Variants in DNMT3B observed in about 807,000 individuals in gnomAD.
DNMT3B encodes DNA methyltransferase 3 beta, also known as DNA (cytosine-5)-methyltransferase 3B.
DNMT3B carries 37 observed loss-of-function variants against 120.2 expected under a neutral mutation model. That is an observed-to-expected ratio of 0.31 (90% CI 0.24 to 0.40). The LOEUF is 0.40. Ranked by LOEUF, DNMT3B falls within the 10% of genes least tolerant of loss-of-function variation. DNMT3B has a pLI of 1.00. For missense variants in DNMT3B, 878 were observed against 1,137.3 expected, an observed-to-expected ratio of 0.77 and a Z score of 3.28; for synonymous variants, 412 against 442.8, an observed-to-expected ratio of 0.93 and a Z score of 0.87.
In DNMT3B at chr20:32,780,827, T is replaced by C. The variant is rs144174741; in HGVS notation, c.142+362T>C. Reference sequence around the variant, plus strand: ...GGGGTTGGGAGGGGGAGGTCTGGAGTGTGCTTCCTTTCCACCCTGCCCTGA... The same window carrying C: ...GGGGTTGGGAGGGGGAGGTCTGGAGCGTGCTTCCTTTCCACCCTGCCCTGA... On this transcript the variant is annotated intron_variant, in intron 2 of 22. Transcript: ENST00000328111. Among the ~76,000 whole-genome samples the C allele has an allele frequency of 2.1e-3, 316 of 151,990 alleles. 2 individuals are homozygous for C. Among genetic ancestry groups the C allele is most frequent in the African/African-American group, 7.0e-3 (292 of 41,446 alleles).
chr20:32,808,202 T>C lies in DNMT3B; in HGVS notation c.*299T>C, dbSNP rs971588407. 6.5e-5 allele frequency: 29 copies of C among 446,220 alleles called. No individual in the cohort carries two copies. Among genetic ancestry groups the C allele is most frequent in the African/African-American group, 5.1e-4 (26 of 51,186 alleles). 27.6% of individuals were successfully genotyped at this position (446,220 alleles called of 1,614,324 possible). A position where few individuals can be genotyped will look rare whatever the true frequency, so the allele number is the denominator to read the frequency against. ...AGGTAGCAACGTGGCTTTTTTTTTT[T>C]CCCTTCCTGGGTCTACCACTCAGAG... is the stretch of plus-strand genomic sequence containing the variant. On this transcript the variant is annotated 3_prime_UTR_variant, in exon 23 of 23. Transcript: ENST00000328111.
At chr20:32,770,394 T>G (rs1026734371) in intron 1 of DNMT3B, among the ~76,000 whole-genome samples, 1 of 152,150 alleles carries the variant, frequency 6.6e-6, no homozygotes, top group Non-Finnish European at 1.5e-5. Context: ...GTTCAAGCGA[T>G]TCTCCTGCCT....
intron 1 of DNMT3B, among the ~76,000 whole-genome samples, chr20:32,773,688 C>T (rs1775614820): frequency 1.3e-5 from 2 of 150,068 alleles, no homozygotes; most frequent in South Asian, 4.2e-4. Context: ...GATAGCTTTA[C>T]TGCAGCCTCA....
At chr20:32,805,546 G>A (rs4911262) in intron 21 of DNMT3B, 139 bp downstream of exon 21, 445,143 of 907,056 alleles carry the variant, frequency 0.49, 122,689 homozygotes, top group East Asian at 0.92. Context: ...TCTCCCACAT[G>A]ATTGTTCTGT....
At chr20:32,765,536 T>C (rs1450528011) in intron 1 of DNMT3B, among the ~76,000 whole-genome samples, 1 of 149,562 alleles carries the variant, frequency 6.7e-6, no homozygotes, top group Non-Finnish European at 1.5e-5. Flanking sequence ...TTCTCCTGCC[T>C]CAACCTTCCG....
chr20:32,764,642 C>T (rs1987191325), intron 1 of DNMT3B, among the ~76,000 whole-genome samples: 1 of 152,184 alleles, frequency 6.6e-6, no homozygotes, highest in African/African-American at 2.4e-5. Context: ...TTAAAGCCCT[C>T]CCGGCCACGC....
chr20:32,780,183 AC>A (rs760239224), intron 1 of DNMT3B, 134 bp from the exon 2 acceptor site: 4 of 1,612,950 alleles, frequency 2.5e-6, no homozygotes, highest in Non-Finnish European at 3.4e-6. Flanking sequence ...TGGGTGGGGT[AC>A]TTGGGCAAGA....
chr20:32,808,224 A>G lies in DNMT3B; in HGVS notation c.*321A>G, dbSNP rs1168769752. On this transcript the variant is annotated 3_prime_UTR_variant, in exon 23 of 23. Transcript: ENST00000328111. ...TTTTCCCTTCCTGGGTCTACCACTC[A>G]GAGAAACAATGGCTAAGATACCAAA... The G allele has an allele frequency of 2.4e-6, 1 of 424,792 alleles. No individual in the cohort carries two copies. Among genetic ancestry groups the G allele is most frequent in the Admixed American group, 3.8e-5 (1 of 26,176 alleles). The allele number at this position is 424,792 out of a possible 1,614,324, so 26.3% of individuals were successfully genotyped here.
chr20:32,794,502 A>C (rs1168907818), intron 10 of DNMT3B, among the ~76,000 whole-genome samples: 6 of 152,150 alleles, frequency 3.9e-5, no homozygotes, highest in Non-Finnish European at 2.9e-5. Flanking sequence ...AGCATGATGA[A>C]ACCCCGTCTC....
In DNMT3B at chr20:32,800,824, C is replaced by T. The variant is rs373620809; in HGVS notation, c.1906-11C>T. ...CCACACCCTCATCCTGACTCTGTCT[C>T]TCTCTTTCAGATTGAAGAATGGGGC... On this transcript the variant is annotated splice_polypyrimidine_tract_variant and intron_variant, in intron 17 of 22. Coordinates refer to ENST00000328111, the MANE Select transcript of DNMT3B (RefSeq NM_006892.4). The T allele has an allele frequency of 1.2e-6, 2 of 1,613,834 alleles. No homozygotes were observed. Among genetic ancestry groups the T allele is most frequent in the African/African-American group, 1.3e-5 (1 of 74,930 alleles).
At chr20:32,778,224 T>C (rs1290933032) in intron 1 of DNMT3B, among the ~76,000 whole-genome samples, 1 of 152,104 alleles carries the variant, frequency 6.6e-6, no homozygotes, top group Non-Finnish European at 1.5e-5. Context: ...TAATCCCAGC[T>C]ACTCAGGAGG....
At chr20:32,764,787 A>C (rs973078550) in intron 1 of DNMT3B, among the ~76,000 whole-genome samples, 1 of 152,198 alleles carries the variant, frequency 6.6e-6, no homozygotes, top group Non-Finnish European at 1.5e-5. Context: ...TCATAGACAT[A>C]ACCCCCACCC....
At position 32,800,739 on chromosome 20, in the gene DNMT3B, G is replaced by A. The variant is rs1981232208; in HGVS notation, c.1906-96G>A. 4.3e-6 allele frequency: 6 copies of A among 1,379,906 alleles called. No homozygotes were observed. The Admixed American group carries it at 5.0e-5, about 12-fold the overall frequency. 85.5% of individuals were successfully genotyped at this position (1,379,906 alleles called of 1,614,324 possible). A position where few individuals can be genotyped will look rare whatever the true frequency, so the allele number is the denominator to read the frequency against. On this transcript the variant is annotated intron_variant, in intron 17 of 22. Transcript: ENST00000328111. ...AGCCTTCCTGGGATTACAGGTGTGA[G>A]CCACCTCGTCCAGCCCCACGCAAGA...
In DNMT3B at chr20:32,771,176, G is replaced by A. The variant is rs911727988; in HGVS notation, c.-7+8477G>A. 2.0e-5 allele frequency among the ~76,000 whole-genome samples: 3 copies of A among 152,294 alleles called. No homozygotes were observed. In the East Asian group the frequency reaches 5.8e-4, roughly 29 times the overall value. On this transcript the variant is annotated intron_variant, in intron 1 of 22. Transcript: ENST00000328111. The stretch of plus-strand genomic sequence containing the variant: ...ATAATTTATTTGAAAGTCTATCCAT[G>A]TTGAAACAACTAAAAATGCTGTGCC...
At position 32,783,108 on chromosome 20, in the gene DNMT3B, G is replaced by A. The variant is rs538910060; in HGVS notation, c.205-1650G>A. ...CCCAGCCAATTTTTTTGTATTTTTA[G>A]TAGAGATGGGGTTTCACCATGTTGG... On this transcript the variant is annotated intron_variant, in intron 3 of 22. Transcript: ENST00000328111. Among the ~76,000 whole-genome samples, 8 of 152,190 alleles carry A rather than the reference G, an allele frequency of 5.3e-5. No homozygotes were observed. In the South Asian group the frequency reaches 1.0e-3, roughly 20 times the overall value.
chr20:32,801,133 C>G lies in DNMT3B; in HGVS notation c.1997-145C>G, dbSNP rs1207780747. ...TAGTGCCCTGCTGCTGCCTGTGTCC[C>G]TGCTGTCATTCAGGTGGACATAGAC... On this transcript the variant is annotated intron_variant, in intron 18 of 22. Coordinates refer to ENST00000328111, the MANE Select transcript of DNMT3B (RefSeq NM_006892.4). 7 of 1,305,520 alleles carry G rather than the reference C, an allele frequency of 5.4e-6. No individual in the cohort carries two copies. In the East Asian group the frequency reaches 1.7e-4, roughly 31 times the overall value. The allele number at this position is 1,305,520 out of a possible 1,614,324, so 80.9% of individuals were successfully genotyped here. A position where few individuals can be genotyped will look rare whatever the true frequency, so the allele number is the denominator to read the frequency against.
At chr20:32,804,168 C>A (rs1009180272) in intron 20 of DNMT3B, among the ~76,000 whole-genome samples, 1 of 152,102 alleles carries the variant, frequency 6.6e-6, no homozygotes, top group African/African-American at 2.4e-5. Flanking sequence ...GTGGAAAGAG[C>A]AGTGAGACCT....
intron 1 of DNMT3B, chr20:32,779,934 G>T: frequency 1.4e-6 from 1 of 731,956 alleles, no homozygotes; most frequent in Non-Finnish European, 2.3e-6. Context: ...AGCAGGGAGA[G>T]GGGGCCAGGG....
At chr20:32,770,861 C>T (rs1987687226) in intron 1 of DNMT3B, among the ~76,000 whole-genome samples, 1 of 152,160 alleles carries the variant, frequency 6.6e-6, no homozygotes, top group Non-Finnish European at 1.5e-5. Context: ...ATCTGCCTGC[C>T]TCAGCCTCCC....
Sources: allele counts gnomAD v4.1 joint callset (sites outside exome capture counted in the v4.1 genomes callset), GRCh38; gene constraint gnomAD v4.1.1; transcripts MANE v1.5; gene names NCBI Gene and HGNC (gene_info 2026-07-23, HGNC 2026-07-21).